The following ATP2B4 variants were observed in gnomAD, a reference collection of about 807,000 sequenced individuals.
ATP2B4 encodes plasma membrane calcium-transporting ATPase 4.
A neutral mutation model predicts 110.3 loss-of-function variants in ATP2B4; 39 were observed. That is an observed-to-expected ratio of 0.35 (90% CI 0.27 to 0.46). The LOEUF (loss-of-function observed/expected upper bound fraction) is 0.46, where lower values mean the gene tolerates loss of function less well. Ranked by LOEUF, ATP2B4 falls within the 20% of genes least tolerant of loss-of-function variation. The pLI, the probability that ATP2B4 is intolerant of heterozygous loss-of-function variation, is 1.00. For synonymous variants in ATP2B4, 538 were observed against 571.7 expected (o/e 0.94, Z 0.84); for missense variants, 1,135 against 1,530.9 (o/e 0.74, Z 4.32).
At chr1:203,720,783 G>A in intron 16 of ATP2B4, 43 bp downstream of exon 16, 1 of 1,574,822 alleles carries the variant, frequency 6.3e-7, no homozygotes, top group Non-Finnish European at 8.6e-7. Flanking sequence ...GGATGAGTCA[G>A]GGGCTAAGGA....
intron 1 of ATP2B4, among the ~76,000 whole-genome samples, chr1:203,678,930 A>C (rs935596104): frequency 6.6e-6 from 1 of 152,244 alleles, no homozygotes; most frequent in Non-Finnish European, 1.5e-5. Context: ...TTCACACGTC[A>C]TCTACAAATT....
chr1:203,722,514 C>A lies in ATP2B4; in HGVS notation c.2849C>A (p.Ala950Glu). 1.2e-6 allele frequency: 2 copies of A among 1,614,132 alleles called. No homozygotes were observed. The highest frequency in any genetic ancestry group is 1.7e-6 in the Non-Finnish European group (2 of 1,179,958). ...TTTGATATTGATAGTGGGAGGAAGGCACCTCTACATTCACCACCCAGCCAG... is the reference window on the plus strand; with the variant it reads ...TTTGATATTGATAGTGGGAGGAAGGAACCTCTACATTCACCACCCAGCCAG... Reference protein sequence around the residue: ...KFFDIDSGRKAPLHSPPSQHY... With the variant: ...KFFDIDSGRKEPLHSPPSQHY... Residue 950 changes from alanine to glutamate, a missense_variant, in exon 18 of 21, where the codon GCA (alanine) becomes GAA (glutamate). By Grantham distance (107) the Ala-to-Glu change is moderately radical. Transcript: ENST00000357681.
intron 1 of ATP2B4, among the ~76,000 whole-genome samples, chr1:203,634,985 A>T (rs1663395581): frequency 6.6e-6 from 1 of 151,356 alleles, no homozygotes; most frequent in Admixed American, 6.6e-5. Flanking sequence ...TTTATTTATT[A>T]TTTTTTGAGA....
At chr1:203,638,095 A>C (rs1182950970) in intron 1 of ATP2B4, among the ~76,000 whole-genome samples, 3 of 152,106 alleles carry the variant, frequency 2.0e-5, no homozygotes, top group Non-Finnish European at 4.4e-5. Flanking sequence ...ACAGGATTTT[A>C]AAGAGAAAGG....
At chr1:203,731,491 G>A (rs1221974465) in intron 20 of ATP2B4, among the ~76,000 whole-genome samples, 1 of 152,118 alleles carries the variant, frequency 6.6e-6, no homozygotes, top group African/African-American at 2.4e-5. Flanking sequence ...TTTTGTCCTT[G>A]TTACTTAGGG....
At chr1:203,692,123 G>T (rs957611855) in intron 2 of ATP2B4, among the ~76,000 whole-genome samples, 3 of 151,150 alleles carry the variant, frequency 2.0e-5, no homozygotes, top group Non-Finnish European at 4.4e-5. Flanking sequence ...CTCATGATCC[G>T]CCCGCCTCGG....
At chr1:203,655,698 A>C (rs1426580044) in intron 1 of ATP2B4, among the ~76,000 whole-genome samples, 5 of 152,066 alleles carry the variant, frequency 3.3e-5, no homozygotes, top group Non-Finnish European at 4.4e-5. Flanking sequence ...AGAAAAGGAA[A>C]AAATGCTGTC....
chr1:203,666,609 T>A (rs1664512476), intron 1 of ATP2B4, among the ~76,000 whole-genome samples: 1 of 152,186 alleles, frequency 6.6e-6, no homozygotes, highest in African/African-American at 2.4e-5. Context: ...ATTAACCTCC[T>A]AGGTTTATCT....
At chr1:203,656,438 A>C (rs1337391573) in intron 1 of ATP2B4, among the ~76,000 whole-genome samples, 1 of 152,238 alleles carries the variant, frequency 6.6e-6, no homozygotes, top group African/African-American at 2.4e-5. Flanking sequence ...AAATGTTTAG[A>C]ATGTGAATTC....
chr1:203,703,861 C>T (rs1297081858), intron 8 of ATP2B4, 48 bp downstream of exon 8: 1 of 1,588,148 alleles, frequency 6.3e-7, no homozygotes, highest in East Asian at 2.3e-5. Context: ...TGTCTTGGAT[C>T]CTCATCACTT....
At chr1:203,639,106 G>A (rs1663551015) in intron 1 of ATP2B4, among the ~76,000 whole-genome samples, 2 of 152,146 alleles carry the variant, frequency 1.3e-5, no homozygotes, top group African/African-American at 4.8e-5. Flanking sequence ...AAAGGTCAGA[G>A]GAAGTGCAGA....
intron 1 of ATP2B4, among the ~76,000 whole-genome samples, chr1:203,636,541 G>A (rs971460617): frequency 6.6e-6 from 1 of 152,150 alleles, no homozygotes; most frequent in Non-Finnish European, 1.5e-5. Context: ...GAAAGAGCGG[G>A]AGCCAGGAAG....
intron 1 of ATP2B4, among the ~76,000 whole-genome samples, chr1:203,679,367 C>G (rs548309886): frequency 6.6e-6 from 1 of 152,320 alleles, no homozygotes; most frequent in African/African-American, 2.4e-5. Flanking sequence ...CCTTAAACCT[C>G]AGGCCCCAAC....
intron 1 of ATP2B4, among the ~76,000 whole-genome samples, chr1:203,681,806 C>A (rs1264385041): frequency 6.6e-6 from 1 of 152,152 alleles, no homozygotes; most frequent in Non-Finnish European, 1.5e-5. Flanking sequence ...CCCTTGCTAA[C>A]CTTGCTGTGG....
chr1:203,732,157 CAAA>C (rs567953858), intron 20 of ATP2B4, among the ~76,000 whole-genome samples: 8 of 48,082 alleles, frequency 1.7e-4, no homozygotes, highest in East Asian at 6.0e-4. Context: ...GCCTGGGTGT[CAAA>C]AAAAAAAAAA....
intron 2 of ATP2B4, among the ~76,000 whole-genome samples, chr1:203,688,797 A>G (rs1665282065): frequency 1.3e-5 from 2 of 152,138 alleles, no homozygotes; most frequent in Non-Finnish European, 2.9e-5. Flanking sequence ...TAGGGCAACA[A>G]GAAAGGGTGG....
intron 20 of ATP2B4, among the ~76,000 whole-genome samples, chr1:203,729,266 G>C (rs981722607): frequency 5.3e-5 from 8 of 151,906 alleles, no homozygotes; most frequent in Admixed American, 4.6e-4. Context: ...TGGAAAAGAG[G>C]CCGGGTGCGG....
chr1:203,721,547 A>G (rs1666332278), intron 17 of ATP2B4, 137 bp downstream of exon 17: 3 of 810,382 alleles, frequency 3.7e-6, no homozygotes, highest in Admixed American at 4.8e-5. Context: ...TGCTCCCGCT[A>G]CACGGTGCAT....
intron 15 of ATP2B4, among the ~76,000 whole-genome samples, chr1:203,717,589 A>T (rs1003777512): frequency 1.3e-5 from 2 of 151,606 alleles, no homozygotes; most frequent in African/African-American, 4.8e-5. Flanking sequence ...CATTTCTCCA[A>T]GGATTCCTGC....
Sources: gnomAD v4.1 joint callset for allele counts (sites outside exome capture counted in the v4.1 genomes callset) on GRCh38, gnomAD v4.1.1 for gene constraint, MANE v1.5 for transcripts, NCBI Gene and HGNC (gene_info 2026-07-23, HGNC 2026-07-21) for gene names.